The following MORN3 variants were observed in gnomAD, a reference collection of about 807,000 sequenced individuals.
The protein encoded by MORN3 is MORN repeat containing 3, also known as MORN repeat-containing protein 3.
A neutral mutation model predicts 34.7 loss-of-function variants in MORN3; 38 were observed. That is an observed-to-expected ratio of 1.10 (90% CI 0.85 to 1.44). The LOEUF (loss-of-function observed/expected upper bound fraction) is 1.44. MORN3 is among the 40% of genes most tolerant of loss of function. The probability of loss-of-function intolerance (pLI) is 0.00; values close to 1 mark genes in which losing one functional copy is unlikely to be tolerated. For missense variants in MORN3, 311 were observed against 321.7 expected (o/e 0.97, Z 0.25); for synonymous variants, 109 against 115.3 (o/e 0.95, Z 0.35).
rs569378597 is a variant in MORN3 at position 121,658,966 on chromosome 12, T to G, written c.303+225A>C. Among the ~76,000 whole-genome samples the G allele has an allele frequency of 2.6e-5, 4 of 152,188 alleles. No individual in the cohort carries two copies. In the South Asian group the frequency reaches 8.3e-4, roughly 32 times the overall value. Reference sequence around the variant, plus strand: ...CTCGCAACCGCAGGGTTTCGTGGGCTCCTCCCTGGCCTTCTGTTGCTTCCT... The same window carrying G: ...CTCGCAACCGCAGGGTTTCGTGGGCGCCTCCCTGGCCTTCTGTTGCTTCCT... On this transcript the variant is annotated intron_variant, in intron 2 of 5. Coordinates refer to ENST00000355329, the MANE Select transcript of MORN3 (RefSeq NM_173855.5).
At chr12:121,672,243 G>A (rs973642073), upstream of MORN3, among the ~76,000 whole-genome samples, 4 of 151,696 alleles carry the variant, frequency 2.6e-5, no homozygotes, top group Non-Finnish European at 2.9e-5. Context: ...AGGATCACAT[G>A]AGTCCGAGAG....
At chr12:121,669,666 G>T, upstream of MORN3, 1 of 803,180 alleles carries the variant, frequency 1.2e-6, no homozygotes, top group Non-Finnish European at 1.9e-6. Context: ...ACCTTTGGTT[G>T]GCCCCTCCCT....
intron 1 of MORN3, among the ~76,000 whole-genome samples, chr12:121,664,139 C>G (rs1462429322): frequency 6.6e-6 from 1 of 152,158 alleles, no homozygotes; most frequent in Non-Finnish European, 1.5e-5. Flanking sequence ...TAAGAAGGAA[C>G]TCAACGCAGA....
chr12:121,671,353 C>T (rs1462145816), upstream of MORN3, among the ~76,000 whole-genome samples: 37 of 149,624 alleles, frequency 2.5e-4, no homozygotes, highest in Non-Finnish European at 4.1e-4. Context: ...TTGCAATGAG[C>T]CGAGATCGCG....
intron 2 of MORN3, among the ~76,000 whole-genome samples, chr12:121,658,769 C>T (rs543212391): frequency 1.3e-5 from 2 of 151,980 alleles, no homozygotes; most frequent in African/African-American, 2.4e-5. Context: ...TTCGGCCCCC[C>T]GGGACCCTCC....
Position 121,659,292 on chromosome 12 carries a change from A to G in MORN3, c.202T>C (p.Phe68Leu). Residue 68 changes from phenylalanine (F) to leucine (L), a missense_variant, in exon 2 of 6, where the codon TTT becomes CTT. Phe to Leu is a conservative substitution (Grantham distance 22). Coordinates refer to ENST00000355329, the MANE Select transcript of MORN3 (RefSeq NM_173855.5). ...KGAIYEGDWK[F>L]GKRDGYGTLS... ...GTGCCGTAGCCGTCTCGCTTCCCAA[A>G]CTTCCAGTCCCCCTCATAGATGGCT... 1 of 1,613,730 alleles carries G rather than the reference A, an allele frequency of 6.2e-7. No homozygotes were observed. Among genetic ancestry groups the G allele is most frequent in the Non-Finnish European group, 8.5e-7 (1 of 1,179,908 alleles).
At chr12:121,665,325 C>T (rs1474332112) in intron 1 of MORN3, among the ~76,000 whole-genome samples, 3 of 105,384 alleles carry the variant, frequency 2.8e-5, no homozygotes, top group Non-Finnish European at 5.1e-5. Context: ...GTGTCTCGCT[C>T]TGTCGCCCAG....
chr12:121,660,716 T>A (rs1320532841), intron 1 of MORN3, among the ~76,000 whole-genome samples: 1 of 148,760 alleles, frequency 6.7e-6, no homozygotes, highest in East Asian at 2.0e-4. Flanking sequence ...TTGCCTGGGC[T>A]GGAGTGCAAT....
chr12:121,660,833 T>A (rs1893560742), intron 1 of MORN3, among the ~76,000 whole-genome samples: 1 of 152,000 alleles, frequency 6.6e-6, no homozygotes, highest in South Asian at 2.1e-4. Context: ...CACGCCTGGC[T>A]AATTTTGTAT....
In MORN3 at chr12:121,669,237, ACATCT is replaced by A. The variant is rs1042404704; in HGVS notation, c.145+97_145+101del. ...CTCACCCTGGGGGAGCCTTGGGGACACATCTCATGTCCCCAGTGAGCTCTGCACTC... is the reference window on the plus strand; with the variant it reads ...CTCACCCTGGGGGAGCCTTGGGGACACATGTCCCCAGTGAGCTCTGCACTC... On this transcript the variant is annotated intron_variant, in intron 1 of 5. Transcript: ENST00000355329. 13 of 1,477,724 alleles carry A rather than the reference ACATCT, an allele frequency of 8.8e-6. No individual in the cohort carries two copies. In the African/African-American group the frequency reaches 1.5e-4, roughly 17 times the overall value. The allele number at this position is 1,477,724 out of a possible 1,614,324, so 91.5% of individuals were successfully genotyped here.
chr12:121,652,629 C>T, intron 5 of MORN3, 99 bp downstream of exon 5: 2 of 1,138,896 alleles, frequency 1.8e-6, no homozygotes, highest in Non-Finnish European at 1.3e-6. Context: ...CACTCCCCGA[C>T]CCCAAGCCCT....
Position 121,652,733 on chromosome 12 carries a change from A to G in MORN3, c.*1T>C, listed in dbSNP as rs562566392. The G allele has an allele frequency of 3.1e-6, 5 of 1,614,126 alleles. No individual in the cohort carries two copies. Among genetic ancestry groups the G allele is most frequent in the Non-Finnish European group, 4.2e-6 (5 of 1,179,966 alleles). ...CAGGTGTGCCCACCCCTCACCTGGC[A>G]TCAATCTCCTTCCTCTGTCTTCCTG... On this transcript the variant is annotated 3_prime_UTR_variant, in exon 5 of 6. Transcript: ENST00000355329.
At chr12:121,654,470 C>A (rs1337965475) in intron 2 of MORN3, 37 bp from the exon 3 acceptor site, 6 of 1,529,788 alleles carry the variant, frequency 3.9e-6, no homozygotes, top group Admixed American at 2.0e-5. Flanking sequence ...AGGGCGCCCC[C>A]CAACACCACC....
Position 121,654,300 on chromosome 12 carries a change from G to A in MORN3, c.437C>T (p.Pro146Leu). ...IYEGQWENDKPNGEGMLRLKN... is the reference protein window; with the variant it reads ...IYEGQWENDKLNGEGMLRLKN... ...CAGGCGCAGCATGCCCTCCCCGTTG[G>A]GCTTGTCGTTCTCCCACTGTCCCTC... The change falls in exon 3 of 6, where the codon CCC (proline) becomes CTC (leucine). Residue 146 changes from proline (P) to leucine (L), a missense_variant. Pro to Leu is a moderately conservative substitution (Grantham distance 98). Coordinates refer to ENST00000355329, the MANE Select transcript of MORN3 (RefSeq NM_173855.5). 1 of 1,595,412 alleles carries A rather than the reference G, an allele frequency of 6.3e-7. No homozygotes were observed.
rs189487371 is a variant in MORN3, at chr12:121,650,864, A to C, written c.*787T>G. The C allele has an allele frequency of 1.3e-5, 2 of 151,976 alleles. No individual in the cohort carries two copies. The highest frequency in any genetic ancestry group is 4.8e-5 in the African/African-American group (2 of 41,384). 9.4% of individuals were successfully genotyped at this position (151,976 alleles called of 1,614,324 possible). A position where few individuals can be genotyped will look rare whatever the true frequency, so the allele number is the denominator to read the frequency against. ...AAAATCACCTGGGGAATTTTCTGAAAGCTCAGGCCTCACCCCAGATGAATT... is the reference window on the plus strand; with the variant it reads ...AAAATCACCTGGGGAATTTTCTGAACGCTCAGGCCTCACCCCAGATGAATT... On this transcript the variant is annotated 3_prime_UTR_variant, in exon 6 of 6. Coordinates refer to ENST00000355329, the MANE Select transcript of MORN3 (RefSeq NM_173855.5).
chr12:121,658,463 A>T (rs1398430883), intron 2 of MORN3, among the ~76,000 whole-genome samples: 1 of 150,550 alleles, frequency 6.6e-6, no homozygotes, highest in African/African-American at 2.4e-5. Flanking sequence ...CAACCTGGGA[A>T]GCTGAGGCAG....
chr12:121,671,854 T>C (rs904455087), upstream of MORN3, among the ~76,000 whole-genome samples: 1 of 148,502 alleles, frequency 6.7e-6, no homozygotes, highest in East Asian at 2.0e-4. Context: ...GCACTCAGCC[T>C]GGGCAAAAAG....
At chr12:121,657,658 G>A (rs1285596903) in intron 2 of MORN3, among the ~76,000 whole-genome samples, 3 of 152,016 alleles carry the variant, frequency 2.0e-5, no homozygotes, top group Non-Finnish European at 2.9e-5. Context: ...ACCTGAGGTC[G>A]GGAGTTCGAG....
chr12:121,662,762 C>T (rs1434592890), intron 1 of MORN3, among the ~76,000 whole-genome samples: 2 of 151,172 alleles, frequency 1.3e-5, no homozygotes, highest in Non-Finnish European at 2.9e-5. Flanking sequence ...AAAAAAACGC[C>T]GGGCATGATG....
Sources: allele counts gnomAD v4.1 joint callset (sites outside exome capture counted in the v4.1 genomes callset), GRCh38; gene constraint gnomAD v4.1.1; transcripts MANE v1.5; gene names NCBI Gene and HGNC (gene_info 2026-07-23, HGNC 2026-07-21).